The following ATAD2B variants were observed in gnomAD, a reference collection of about 807,000 sequenced individuals.
The protein encoded by ATAD2B is ATPase family AAA domain containing 2B, also known as ATPase family AAA domain-containing protein 2B.
In ATAD2B, 40 loss-of-function variants were observed where a neutral mutation model predicts 167.6. The ratio of observed to expected loss-of-function variants is 0.24; its 90% confidence interval spans 0.19 to 0.31. The LOEUF is 0.31. Ranked by LOEUF, ATAD2B falls within the 10% of genes least tolerant of loss-of-function variation. The pLI, the probability that ATAD2B is intolerant of heterozygous loss-of-function variation, is 1.00. For missense variants in ATAD2B, 1,242 were observed against 1,757.2 expected (o/e 0.71, Z 5.24); for synonymous variants, 579 against 596.5 (o/e 0.97, Z 0.43).
chr2:23,730,330 C>T, the ATAD2B span, among the ~76,000 whole-genome samples: 4 of 151,982 alleles, frequency 2.6e-5, no homozygotes, highest in African/African-American at 9.7e-5. Flanking sequence ...GAAGAAATCT[C>T]AAGGGAAAGT....
At chr2:23,896,441 A>C (rs1429113972) in intron 1 of ATAD2B, among the ~76,000 whole-genome samples, 1 of 152,216 alleles carries the variant, frequency 6.6e-6, no homozygotes, top group Non-Finnish European at 1.5e-5. Flanking sequence ...ATATAAAAAC[A>C]AGAAAGATTA....
intron 17 of ATAD2B, among the ~76,000 whole-genome samples, chr2:23,818,145 G>C (rs62125871): frequency 0.73 from 96,046 of 131,232 alleles, 35,196 homozygotes; most frequent in East Asian, 0.92. Flanking sequence ...CACACACAGA[G>C]AGAGAGAAGG....
chr2:23,763,204 G>A (rs1330156910), intron 23 of ATAD2B, among the ~76,000 whole-genome samples: 1 of 152,134 alleles, frequency 6.6e-6, no homozygotes, highest in African/African-American at 2.4e-5. Flanking sequence ...CCAGTAATAT[G>A]GCAGCCAGTT....
chr2:23,788,272 C>T (rs1681121288), intron 20 of ATAD2B: 1 of 446,508 alleles, frequency 2.2e-6, no homozygotes, highest in Non-Finnish European at 4.0e-6. Flanking sequence ...TGACATCTAC[C>T]ACAGGATGTG....
the ATAD2B span, chr2:23,696,790 G>A: frequency 8.5e-6 from 3 of 352,082 alleles, no homozygotes; most frequent in African/African-American, 2.2e-5. The surrounding 1 kb of genome is among the most constrained non-coding windows in gnomAD (Gnocchi z 5.5). Context: ...CAGACAAGCT[G>A]GAGGCCCAAG....
Position 23,751,984 on chromosome 2 carries a change from G to A in ATAD2B, c.*62C>T. 1 of 1,266,564 alleles carries A rather than the reference G, an allele frequency of 7.9e-7. No homozygotes were observed. The highest frequency in any genetic ancestry group is 2.2e-5 in the Admixed American group (1 of 45,584). 78.5% of individuals were successfully genotyped at this position (1,266,564 alleles called of 1,614,324 possible). On this transcript the variant is annotated 3_prime_UTR_variant, in exon 28 of 28. Coordinates refer to ENST00000238789, the MANE Select transcript of ATAD2B (RefSeq NM_017552.4). ...TAATTGGTGCAATTTGAAATTGAAT[G>A]GCTCAGAAGACTGCTCTGTGAGGAG...
Position 23,927,030 on chromosome 2 carries a change from G to A in ATAD2B, c.-260C>T, listed in dbSNP as rs1704998962. 3 of 464,290 alleles carry A rather than the reference G, an allele frequency of 6.5e-6. No individual in the cohort carries two copies. Among genetic ancestry groups the A allele is most frequent in the South Asian group, 3.7e-5 (1 of 27,032 alleles). 28.8% of individuals were successfully genotyped at this position (464,290 alleles called of 1,614,324 possible). A position where few individuals can be genotyped will look rare whatever the true frequency, so the allele number is the denominator to read the frequency against. On this transcript the variant is annotated 5_prime_UTR_variant, in exon 1 of 28. Coordinates refer to ENST00000238789, the MANE Select transcript of ATAD2B (RefSeq NM_017552.4). Reference sequence around the variant, plus strand: ...TCCGCCGGCTTCGCCCTCCTCAGCGGGAGCCGAGCGGAGCCGCCATTTCTA... The same window carrying A: ...TCCGCCGGCTTCGCCCTCCTCAGCGAGAGCCGAGCGGAGCCGCCATTTCTA...
rs554309082 is a variant in ATAD2B at position 23,785,453 on chromosome 2, C to G, written c.2973+574G>C. Reference sequence around the variant, plus strand: ...CTCATCATCACAAACCATGCTCCCACAAGCACACAAAATAATACACATATA... The same window carrying G: ...CTCATCATCACAAACCATGCTCCCAGAAGCACACAAAATAATACACATATA... On this transcript the variant is annotated intron_variant, in intron 21 of 27. Coordinates refer to ENST00000238789, the MANE Select transcript of ATAD2B (RefSeq NM_017552.4). Among the ~76,000 whole-genome samples the G allele has an allele frequency of 2.0e-4, 30 of 152,168 alleles. No homozygotes were observed. In the South Asian group the frequency reaches 5.8e-3, roughly 29 times the overall value.
intron 18 of ATAD2B, among the ~76,000 whole-genome samples, chr2:23,808,743 GAATT>G (rs1685055788): frequency 6.6e-6 from 1 of 152,068 alleles, no homozygotes; most frequent in East Asian, 1.9e-4. Context: ...ATGTCTAACT[GAATT>G]AATCTTGCAT....
At chr2:23,820,604 G>A (rs2149630510) in intron 16 of ATAD2B, among the ~76,000 whole-genome samples, 1 of 152,106 alleles carries the variant, frequency 6.6e-6, no homozygotes, top group Non-Finnish European at 1.5e-5. Context: ...CATGTGTACG[G>A]GATATGAGAG....
chr2:23,684,592 G>A, the ATAD2B span: 1 of 1,458,420 alleles, frequency 6.9e-7, no homozygotes, highest in South Asian at 1.4e-5. This position sits in a 1 kb window ranked among gnomAD's most constrained non-coding sequence, Gnocchi z 4.4. Flanking sequence ...ACGCTTTTGT[G>A]TCGCTTTTCT....
intron 1 of ATAD2B, among the ~76,000 whole-genome samples, chr2:23,905,721 T>G (rs1209400112): frequency 6.6e-6 from 1 of 152,190 alleles, no homozygotes; most frequent in Non-Finnish European, 1.5e-5. Flanking sequence ...GTAAGAATAC[T>G]TGTTTGGCTT....
chr2:23,867,757 T>A lies in ATAD2B; in HGVS notation c.1188+78A>T. The A allele has an allele frequency of 3.0e-6, 3 of 984,806 alleles. No homozygotes were observed. In the East Asian group the frequency reaches 7.2e-5, roughly 24 times the overall value. 61.0% of individuals were successfully genotyped at this position (984,806 alleles called of 1,614,324 possible). A position where few individuals can be genotyped will look rare whatever the true frequency, so the allele number is the denominator to read the frequency against. On this transcript the variant is annotated intron_variant, in intron 10 of 27. Coordinates refer to ENST00000238789, the MANE Select transcript of ATAD2B (RefSeq NM_017552.4). Reference sequence around the variant, plus strand: ...CTGTCATATCCGAATTTTCTAGTTCTACTATGTGCTGCTTTAGAAACAAGA... The same window carrying A: ...CTGTCATATCCGAATTTTCTAGTTCAACTATGTGCTGCTTTAGAAACAAGA...
At chr2:23,836,681 G>A (rs577823796) in intron 13 of ATAD2B, among the ~76,000 whole-genome samples, 7 of 152,008 alleles carry the variant, frequency 4.6e-5, no homozygotes, top group Admixed American at 2.0e-4. Context: ...GTGTTGTTCA[G>A]CTCTCAGCAG....
At chr2:23,902,795 G>A (rs943445343) in intron 1 of ATAD2B, among the ~76,000 whole-genome samples, 21 of 152,192 alleles carry the variant, frequency 1.4e-4, no homozygotes, top group African/African-American at 5.1e-4. Context: ...GCCAAGCACA[G>A]TGGCTCACAC....
At chr2:23,886,289 G>A (rs562445770) in intron 4 of ATAD2B, among the ~76,000 whole-genome samples, 80 of 152,058 alleles carry the variant, frequency 5.3e-4, no homozygotes, top group Non-Finnish European at 9.9e-4. Flanking sequence ...ACAGAATACA[G>A]TGCCCAATAA....
rs1345665052 is a variant in ATAD2B, at chr2:23,828,957, G to A, written c.1729-18C>T. 1.3e-5 allele frequency: 20 copies of A among 1,513,484 alleles called. No homozygotes were observed. Among genetic ancestry groups the A allele is most frequent in the Non-Finnish European group, 1.6e-5 (18 of 1,095,722 alleles). 93.8% of individuals were successfully genotyped at this position (1,513,484 alleles called of 1,614,324 possible). A position where few individuals can be genotyped will look rare whatever the true frequency, so the allele number is the denominator to read the frequency against. On this transcript the variant is annotated intron_variant, in intron 14 of 27. Transcript: ENST00000238789. Reference sequence around the variant, plus strand: ...TTTCTTGCCTAAGATGAAAAGCACAGATACATAAAATCTTGCCCAAGAAGA... The same window carrying A: ...TTTCTTGCCTAAGATGAAAAGCACAAATACATAAAATCTTGCCCAAGAAGA...
chr2:23,896,794 C>T (rs1339554666), intron 1 of ATAD2B, among the ~76,000 whole-genome samples: 1 of 152,184 alleles, frequency 6.6e-6, no homozygotes, highest in African/African-American at 2.4e-5. Context: ...CTCAGTCTCC[C>T]TCAATCAGTC....
chr2:23,904,640 G>A (rs1234097858), intron 1 of ATAD2B, among the ~76,000 whole-genome samples: 5 of 150,424 alleles, frequency 3.3e-5, no homozygotes, highest in Non-Finnish European at 7.4e-5. Context: ...GTAAGTAAAT[G>A]ATGAGAGAAA....
Sources: gnomAD v4.1 joint callset for allele counts (sites outside exome capture counted in the v4.1 genomes callset) on GRCh38, gnomAD v4.1.1 for gene constraint, Gnocchi (gnomAD v3.1) non-coding constraint, MANE v1.5 for transcripts, NCBI Gene and HGNC (gene_info 2026-07-23, HGNC 2026-07-21) for gene names.